The following LPA variants were observed in gnomAD, a reference collection of about 807,000 sequenced individuals.
The protein encoded by LPA is apolipoprotein(a).
A neutral mutation model predicts 197.9 loss-of-function variants in LPA; 199 were observed. The observed-to-expected ratio is 1.01, with a 90% CI of 0.90 to 1.13. The LOEUF (loss-of-function observed/expected upper bound fraction) is 1.13. LPA is among the 50% of genes most tolerant of loss of function. The pLI, the probability that LPA is intolerant of heterozygous loss-of-function variation, is 0.00. For missense variants in LPA, 1,853 were observed against 1,785.8 expected, an observed-to-expected ratio of 1.04 and a Z score of -0.68; for synonymous variants, 715 against 639.5, an observed-to-expected ratio of 1.12 and a Z score of -1.78.
At chr6:160,570,640 T>TA (rs965442405) in intron 28 of LPA, among the ~76,000 whole-genome samples, 1 of 152,154 alleles carries the variant, frequency 6.6e-6, no homozygotes, top group African/African-American at 2.4e-5. Flanking sequence ...ATAATAATAG[T>TA]AAAAAAGAAT....
intron 1 of LPA, among the ~76,000 whole-genome samples, chr6:160,660,600 T>A (rs980521503): frequency 2.6e-5 from 4 of 152,246 alleles, no homozygotes; most frequent in African/African-American, 4.8e-5. Context: ...GAGGCCATTG[T>A]TTGATTTCTT....
At chr6:160,605,378 C>T (rs1236414390) in intron 17 of LPA, among the ~76,000 whole-genome samples, 173 bp from the exon 18 acceptor site, 6 of 152,184 alleles carry the variant, frequency 3.9e-5, no homozygotes, top group Non-Finnish European at 7.3e-5. Context: ...AGAAAAGCAA[C>T]AACCAACCAA....
rs1257114735 is a variant in LPA at position 160,548,533 on chromosome 6, C to G, written c.5100G>C (p.Val1700=). The G allele has an allele frequency of 1.2e-6, 2 of 1,614,072 alleles. No individual in the cohort carries two copies. Among genetic ancestry groups the G allele is most frequent in the Non-Finnish European group, 1.7e-6 (2 of 1,180,014 alleles). Residue 1700 remains valine, a synonymous_variant, in exon 31 of 39, where the codon GTG becomes GTC. Coordinates refer to ENST00000316300, the MANE Select transcript of LPA (RefSeq NM_005577.4). ...CCTGGATGACAGTCGGAGGAGCGAC[C>G]ACAGTCCCTTCTGTGTCTGAGCATC... ...LTRCSDTEGT[V]VAPPTVIQVP... is the part of the protein sequence containing the mutation.
rs576865344 is a variant in LPA at position 160,606,586 on chromosome 6, A to G, written c.2676T>C (p.Ser892=). ...AAPYCYTRDP[S]VRWEYCNLTQ... ...TCAGGTTGCAGTACTCCCACCTGAC[A>G]CTGGGATCCCTCGTATAACAATAAG... is the stretch of plus-strand genomic sequence containing the variant. Residue 892 remains serine, a synonymous_variant, in exon 17 of 39, where the codon AGT becomes AGC. Transcript: ENST00000316300. 4 of 1,613,848 alleles carry G rather than the reference A, an allele frequency of 2.5e-6. No individual in the cohort carries two copies. Among genetic ancestry groups the G allele is most frequent in the Non-Finnish European group, 3.4e-6 (4 of 1,179,958 alleles).
rs1778696951 is a variant in LPA, at chr6:160,577,048, T to G, written c.4631+88A>C. ...AAAATGTGAGTCTAAGAGAAATTTGTCCCTAGGAAGTGAGCTTAAAGCATG... is the reference window on the plus strand; with the variant it reads ...AAAATGTGAGTCTAAGAGAAATTTGGCCCTAGGAAGTGAGCTTAAAGCATG... On this transcript the variant is annotated intron_variant, in intron 28 of 38. Coordinates refer to ENST00000316300, the MANE Select transcript of LPA (RefSeq NM_005577.4). 9 of 1,518,024 alleles carry G rather than the reference T, an allele frequency of 5.9e-6. No homozygotes were observed. The East Asian group carries it at 2.0e-4, about 34-fold the overall frequency. The allele number at this position is 1,518,024 out of a possible 1,614,324, so 94.0% of individuals were successfully genotyped here.
At chr6:160,544,134 G>A (rs773295540) in intron 33 of LPA, among the ~76,000 whole-genome samples, 5 of 152,110 alleles carry the variant, frequency 3.3e-5, no homozygotes, top group Non-Finnish European at 7.3e-5. Context: ...CCTTCCATGG[G>A]AGTCAAAGGT....
At chr6:160,590,252 G>T (rs569526462) in intron 23 of LPA, among the ~76,000 whole-genome samples, 2 of 152,312 alleles carry the variant, frequency 1.3e-5, no homozygotes, top group African/African-American at 4.8e-5. Flanking sequence ...TTCCCTTGGA[G>T]GGACGGCGGG....
intron 25 of LPA, 87 bp from the exon 26 acceptor site, chr6:160,585,292 G>A: frequency 7.7e-7 from 1 of 1,292,972 alleles, no homozygotes; most frequent in Non-Finnish European, 1.1e-6. Context: ...GGAATAATCT[G>A]AGGATTAACA....
chr6:160,604,302 A>G (rs1262664092), intron 18 of LPA, among the ~76,000 whole-genome samples: 6 of 152,194 alleles, frequency 3.9e-5, no homozygotes, highest in Non-Finnish European at 7.3e-5. Flanking sequence ...CAAGGTATCT[A>G]TGGAGTTGAT....
At chr6:160,634,733 T>A (rs1444464042) in intron 7 of LPA, among the ~76,000 whole-genome samples, 3 of 151,928 alleles carry the variant, frequency 2.0e-5, no homozygotes, top group African/African-American at 7.3e-5. Context: ...TTTTGAAATC[T>A]GCAATGCTGA....
chr6:160,589,065 A>T (rs1366779732), intron 24 of LPA, among the ~76,000 whole-genome samples: 1 of 152,122 alleles, frequency 6.6e-6, no homozygotes, highest in Non-Finnish European at 1.5e-5. Context: ...AGCTTTTCAG[A>T]CACCTTGTTC....
chr6:160,534,588 G>A (rs1329244796), intron 37 of LPA, among the ~76,000 whole-genome samples: 1 of 152,230 alleles, frequency 6.6e-6, no homozygotes, highest in East Asian at 1.9e-4. Context: ...GACACATGAA[G>A]GGGAGAGGGG....
chr6:160,549,993 C>T (rs1778142265), intron 30 of LPA, among the ~76,000 whole-genome samples: 1 of 152,204 alleles, frequency 6.6e-6, no homozygotes, highest in Admixed American at 6.5e-5. Flanking sequence ...GAAGCCAAGG[C>T]GGGTGGATCA....
intron 28 of LPA, among the ~76,000 whole-genome samples, chr6:160,564,642 G>T (rs375988061): frequency 2.0e-5 from 3 of 152,174 alleles, no homozygotes; most frequent in African/African-American, 7.2e-5. Context: ...TCATCTCACC[G>T]GGGCTTGTCA....
chr6:160,545,134 A>G (rs1778044755), intron 33 of LPA, among the ~76,000 whole-genome samples: 1 of 152,046 alleles, frequency 6.6e-6, no homozygotes, highest in South Asian at 2.1e-4. Flanking sequence ...CCCACGCTAG[A>G]CAAAGAAGGG....
chr6:160,634,772 G>C (rs1178904784), intron 7 of LPA, among the ~76,000 whole-genome samples: 1 of 151,018 alleles, frequency 6.6e-6, no homozygotes, highest in Non-Finnish European at 1.5e-5. Flanking sequence ...GCTACTTGAA[G>C]AAATCCCCAG....
intron 1 of LPA, among the ~76,000 whole-genome samples, chr6:160,658,887 T>C (rs1467433766): frequency 1.6e-5 from 2 of 126,132 alleles, no homozygotes; most frequent in Non-Finnish European, 3.7e-5. Flanking sequence ...TATATATATA[T>C]ATATGAGAGA....
intron 2 of LPA, among the ~76,000 whole-genome samples, chr6:160,648,911 T>G (rs1408310325): frequency 6.6e-6 from 1 of 152,188 alleles, no homozygotes. Context: ...TTGTATTGGC[T>G]GATTTTCCTC....
intron 22 of LPA, among the ~76,000 whole-genome samples, chr6:160,592,979 G>T (rs1779058645): frequency 6.6e-6 from 1 of 152,058 alleles, no homozygotes; most frequent in Non-Finnish European, 1.5e-5. Flanking sequence ...TTTCTTTATT[G>T]TTCTTTCTTT....
Sources: gnomAD v4.1 joint callset for allele counts (sites outside exome capture counted in the v4.1 genomes callset) on GRCh38, gnomAD v4.1.1 for gene constraint, MANE v1.5 for transcripts, NCBI Gene and HGNC (gene_info 2026-07-23, HGNC 2026-07-21) for gene names.